The following CDH13 variants were observed in gnomAD, a reference collection of about 807,000 sequenced individuals.
The protein encoded by CDH13 is cadherin 13.
In CDH13, 24 loss-of-function variants were observed where a neutral mutation model predicts 63.8. That is an observed-to-expected ratio of 0.38 (90% confidence interval 0.27 to 0.53). CDH13 has a LOEUF of 0.53. Among genes scored for constraint, CDH13 ranks in the 20% least tolerant of loss-of-function variants. CDH13 has a pLI of 0.85. For missense variants in CDH13, 1,049 were observed against 903.1 expected, an observed-to-expected ratio of 1.16 and a Z score of -2.07; for synonymous variants, 503 against 355.3, an observed-to-expected ratio of 1.42 and a Z score of -4.67.
chr16:83,646,988 A>T (rs940757629), intron 8 of CDH13, among the ~76,000 whole-genome samples: 3 of 152,082 alleles, frequency 2.0e-5, no homozygotes, highest in Non-Finnish European at 4.4e-5. Context: ...CTGGGACTGC[A>T]GGCTTTCTCT....
At chr16:83,548,230 T>C (rs2075425399) in intron 7 of CDH13, among the ~76,000 whole-genome samples, 1 of 152,056 alleles carries the variant, frequency 6.6e-6, no homozygotes, top group African/African-American at 2.4e-5. Flanking sequence ...CAACAGGCCT[T>C]GGTGATGGCT....
intron 10 of CDH13, among the ~76,000 whole-genome samples, chr16:83,744,928 G>C (rs187432838): frequency 2.0e-5 from 3 of 152,178 alleles, no homozygotes; most frequent in Non-Finnish European, 4.4e-5. Flanking sequence ...AAGCAGCAGA[G>C]GGTGACAGCA....
intron 11 of CDH13, among the ~76,000 whole-genome samples, chr16:83,764,836 A>G (rs1427694961): frequency 6.6e-6 from 1 of 152,180 alleles, no homozygotes; most frequent in African/African-American, 2.4e-5. Context: ...AATGGCCTCC[A>G]TGACAGTCCT....
intron 10 of CDH13, among the ~76,000 whole-genome samples, chr16:83,685,909 G>A (rs1014295979): frequency 2.0e-5 from 3 of 152,162 alleles, no homozygotes; most frequent in South Asian, 2.1e-4. Flanking sequence ...CTGCAGACAT[G>A]GGTTTTGAGA....
intron 1 of CDH13, among the ~76,000 whole-genome samples, chr16:82,723,969 A>G (rs973637710): frequency 8.5e-5 from 13 of 152,148 alleles, no homozygotes; most frequent in African/African-American, 3.1e-4. Flanking sequence ...TAGTCTTGAA[A>G]TAACTCTGGT....
At chr16:82,711,915 G>T (rs1345616461) in intron 1 of CDH13, among the ~76,000 whole-genome samples, 1 of 152,152 alleles carries the variant, frequency 6.6e-6, no homozygotes, top group Non-Finnish European at 1.5e-5. Context: ...GAGGCTCAGG[G>T]AAATTAAATC....
At chr16:83,080,871 GTTTTTTTT>G (rs71148809) in intron 3 of CDH13, among the ~76,000 whole-genome samples, 4 of 46,956 alleles carry the variant, frequency 8.5e-5, no homozygotes, top group South Asian at 1.3e-3. Flanking sequence ...TTGTTTTTGT[GTTTTTTTT>G]TTTTTTTTTT....
At chr16:83,164,762 A>G (rs1369154890) in intron 4 of CDH13, among the ~76,000 whole-genome samples, 3 of 151,926 alleles carry the variant, frequency 2.0e-5, no homozygotes, top group Non-Finnish European at 4.4e-5. Context: ...GATGATATTT[A>G]CAATAACAGC....
rs2090694895 is a variant in CDH13, at chr16:83,340,348, C to T, written c.637-4514C>T. On this transcript the variant is annotated intron_variant, in intron 5 of 13. Transcript: ENST00000567109. ...TGTGTATGTGCGCATGTGCGTGCTG[C>T]TCCAGATAGACCTACAAACATCTGT... is the stretch of plus-strand genomic sequence containing the variant. Among the ~76,000 whole-genome samples, 3 of 151,886 alleles carry T rather than the reference C, an allele frequency of 2.0e-5. No homozygotes were observed. In the South Asian group the frequency reaches 6.3e-4, roughly 32 times the overall value.
intron 1 of CDH13, among the ~76,000 whole-genome samples, chr16:82,794,831 C>T (rs573525044): frequency 3.3e-5 from 5 of 152,266 alleles, no homozygotes; most frequent in Admixed American, 3.3e-4. Context: ...GAGGCTGATT[C>T]TTCTGCCTGA....
intron 1 of CDH13, among the ~76,000 whole-genome samples, chr16:82,816,679 T>C (rs1001546973): frequency 1.3e-5 from 2 of 149,330 alleles, no homozygotes; most frequent in African/African-American, 2.4e-5. Flanking sequence ...GGGGAGATAA[T>C]AGAAGATGAA....
intron 1 of CDH13, among the ~76,000 whole-genome samples, chr16:82,660,331 T>G (rs1911785413): frequency 6.6e-6 from 1 of 152,106 alleles, no homozygotes; most frequent in African/African-American, 2.4e-5. Flanking sequence ...GTGAGTTAAG[T>G]CAAGGGTGGT....
chr16:83,450,155 G>C (rs533673496), intron 6 of CDH13, among the ~76,000 whole-genome samples: 1 of 152,176 alleles, frequency 6.6e-6, no homozygotes, highest in Non-Finnish European at 1.5e-5. Context: ...TTTGCCAGAC[G>C]GTGGAGAAAG....
chr16:83,121,951 C>T (rs950197169), intron 3 of CDH13, among the ~76,000 whole-genome samples: 1 of 137,570 alleles, frequency 7.3e-6, no homozygotes, highest in Non-Finnish European at 1.5e-5. Flanking sequence ...ATAAATTTTC[C>T]TTTAAAACTG....
chr16:82,884,508 C>T (rs935359150), intron 2 of CDH13: 6 of 234,732 alleles, frequency 2.6e-5, no homozygotes, highest in African/African-American at 1.3e-4. Flanking sequence ...CAAGGTAAGC[C>T]AGGGGACACA....
chr16:83,559,366 G>C (rs897845802), intron 7 of CDH13, among the ~76,000 whole-genome samples: 23 of 152,156 alleles, frequency 1.5e-4, no homozygotes, highest in African/African-American at 5.6e-4. Context: ...GAGGTTGTGA[G>C]TTCAAGAGCA....
chr16:83,424,528 G>C (rs1358102897), intron 6 of CDH13, among the ~76,000 whole-genome samples: 1 of 152,140 alleles, frequency 6.6e-6, no homozygotes, highest in Non-Finnish European at 1.5e-5. Flanking sequence ...GCTGTGGTAA[G>C]AGGTAATTCT....
At chr16:82,942,333 A>G (rs1327361496) in intron 2 of CDH13, among the ~76,000 whole-genome samples, 1 of 152,258 alleles carries the variant, frequency 6.6e-6, no homozygotes, top group Admixed American at 6.5e-5. Context: ...TGTGTGATCT[A>G]TTTCCGCACT....
chr16:83,037,490 T>G (rs1004607744), intron 3 of CDH13, among the ~76,000 whole-genome samples: 2 of 152,096 alleles, frequency 1.3e-5, no homozygotes, highest in Non-Finnish European at 2.9e-5. Context: ...AGAAGCAAGA[T>G]TTGCCAGAAA....
Sources: gnomAD v4.1 joint callset for allele counts (sites outside exome capture counted in the v4.1 genomes callset) on GRCh38, gnomAD v4.1.1 for gene constraint, MANE v1.5 for transcripts, NCBI Gene and HGNC (gene_info 2026-07-23, HGNC 2026-07-21) for gene names.